PPFIA2: variants seen among roughly 807,000 people sequenced by gnomAD.
The protein encoded by PPFIA2 is PPFI scaffold protein A2.
A neutral mutation model predicts 175.5 loss-of-function variants in PPFIA2; 46 were observed. The observed-to-expected ratio is 0.26, with a 90% CI of 0.21 to 0.34. The LOEUF is 0.34. PPFIA2 is among the 10% of genes least tolerant of loss of function. The pLI is 1.00. For missense variants in PPFIA2, 1,179 were observed against 1,506.1 expected, an observed-to-expected ratio of 0.78 and a Z score of 3.60; for synonymous variants, 568 against 511.4, an observed-to-expected ratio of 1.11 and a Z score of -1.49.
chr12:81,481,601 C>A (rs1195207594), intron 4 of PPFIA2, among the ~76,000 whole-genome samples: 6 of 152,142 alleles, frequency 3.9e-5, no homozygotes, highest in Non-Finnish European at 8.8e-5. Context: ...CTACCACTAT[C>A]TGATCTTTGA....
At chr12:81,743,443 A>AAAAAAT in intron 3 of PPFIA2, among the ~76,000 whole-genome samples, 1 of 144,798 alleles carries the variant, frequency 6.9e-6, no homozygotes, top group Non-Finnish European at 1.5e-5. Context: ...AAAAAAAAAA[A>AAAAAAT]AACTTTTGCT....
chr12:81,411,945 G>T (rs1442783651), intron 7 of PPFIA2, among the ~76,000 whole-genome samples: 1 of 151,974 alleles, frequency 6.6e-6, no homozygotes, highest in Non-Finnish European at 1.5e-5. Flanking sequence ...GGACAAGAGG[G>T]AACAGCAATG....
At chr12:81,720,958 G>A (rs1457263393) in intron 3 of PPFIA2, among the ~76,000 whole-genome samples, 1 of 150,678 alleles carries the variant, frequency 6.6e-6, no homozygotes, top group Non-Finnish European at 1.5e-5. Context: ...TGTTTGAAAT[G>A]TTTCTAATAA....
intron 9 of PPFIA2, among the ~76,000 whole-genome samples, 197 bp from the exon 10 acceptor site, chr12:81,376,139 C>T (rs919356645): frequency 5.9e-5 from 9 of 152,106 alleles, no homozygotes; most frequent in Non-Finnish European, 1.0e-4. Flanking sequence ...TTTGTATCTT[C>T]GGTTAACCAA....
intron 4 of PPFIA2, among the ~76,000 whole-genome samples, chr12:81,662,788 A>G (rs186841231): frequency 1.1e-4 from 17 of 152,372 alleles, no homozygotes; most frequent in African/African-American, 3.1e-4. Context: ...ATGAATCTCA[A>G]TGCAAAAATC....
At chr12:81,407,213 G>A (rs2043090610) in intron 7 of PPFIA2, among the ~76,000 whole-genome samples, 5 of 152,210 alleles carry the variant, frequency 3.3e-5, no homozygotes, top group South Asian at 2.1e-4. Context: ...GGCCCAGCGC[G>A]GCAGCTCACG....
intron 22 of PPFIA2, among the ~76,000 whole-genome samples, chr12:81,323,807 T>C (rs190171088): frequency 4.0e-4 from 61 of 152,178 alleles, no homozygotes; most frequent in African/African-American, 1.4e-3. Context: ...AAATTCCGAA[T>C]AGGTGTTAAC....
In PPFIA2 at chr12:81,743,411, C is replaced by CAAAAAA. The variant is rs772497730; in HGVS notation, c.249+10556_249+10561dup. Among the ~76,000 whole-genome samples the CAAAAAA allele has an allele frequency of 4.5e-3, 112 of 24,864 alleles. 27 individuals carry two copies. Among genetic ancestry groups the CAAAAAA allele is most frequent in the Non-Finnish European group, 6.1e-3 (95 of 15,504 alleles). The allele number at this position is 24,864 out of a possible 152,430, so 16.3% of individuals were successfully genotyped here. A position where few individuals can be genotyped will look rare whatever the true frequency, so the allele number is the denominator to read the frequency against. ...CGGGCCACAGAGTGAGACTCCGTCT[C>CAAAAAA]AAAAAAAAAAAAAAAAAAAAAAAAA... On this transcript the variant is annotated intron_variant, in intron 3 of 32. Coordinates refer to ENST00000549396, the MANE Select transcript of PPFIA2 (RefSeq NM_003625.5).
intron 4 of PPFIA2, among the ~76,000 whole-genome samples, chr12:81,582,210 C>T (rs999415945): frequency 2.6e-5 from 4 of 151,850 alleles, no homozygotes; most frequent in African/African-American, 9.7e-5. Flanking sequence ...TCTCACCAGA[C>T]ATGGTGAACA....
intron 4 of PPFIA2, among the ~76,000 whole-genome samples, chr12:81,616,998 A>G (rs1041600306): frequency 2.0e-5 from 3 of 152,204 alleles, no homozygotes; most frequent in Non-Finnish European, 4.4e-5. Flanking sequence ...AAGAGATTCA[A>G]ATTCAAATTG....
intron 4 of PPFIA2, among the ~76,000 whole-genome samples, chr12:81,527,939 T>C (rs879692909): frequency 5.9e-5 from 9 of 152,108 alleles, no homozygotes; most frequent in Non-Finnish European, 1.0e-4. Context: ...GCTTCCAGAA[T>C]TGTGAGAAAT....
chr12:81,682,333 C>T (rs1287525709), intron 3 of PPFIA2, among the ~76,000 whole-genome samples: 1 of 151,976 alleles, frequency 6.6e-6, no homozygotes, highest in Non-Finnish European at 1.5e-5. Flanking sequence ...TCTGCAAACA[C>T]CTTCATCTTG....
intron 4 of PPFIA2, among the ~76,000 whole-genome samples, chr12:81,672,589 A>G (rs1285987962): frequency 6.6e-6 from 1 of 152,174 alleles, no homozygotes; most frequent in East Asian, 1.9e-4. Context: ...CACTCTAGAA[A>G]TAAAGAGAAC....
intron 23 of PPFIA2, among the ~76,000 whole-genome samples, chr12:81,296,364 G>A (rs2138013886): frequency 6.6e-6 from 1 of 152,228 alleles, no homozygotes; most frequent in African/African-American, 2.4e-5. Flanking sequence ...ACTTTGCTGT[G>A]AGACTCTTGA....
At chr12:81,747,043 CAAT>C (rs973130179) in intron 3 of PPFIA2, among the ~76,000 whole-genome samples, 2 of 141,924 alleles carry the variant, frequency 1.4e-5, no homozygotes, top group African/African-American at 2.5e-5. Context: ...TTTAGGAAAA[CAAT>C]GATGATAGAA....
chr12:81,629,805 C>T lies in PPFIA2; in HGVS notation c.303+46986G>A, dbSNP rs141905389. Among the ~76,000 whole-genome samples the T allele has an allele frequency of 2.5e-3, 379 of 152,278 alleles. 1 individual carries two copies. Among genetic ancestry groups the T allele is most frequent in the Non-Finnish European group, 4.6e-3 (310 of 68,024 alleles). Reference sequence around the variant, plus strand: ...GAACACTGCTGTTGTTGGTGAGCCACTACACAGGATTTCTGTGATGGGCAG... The same window carrying T: ...GAACACTGCTGTTGTTGGTGAGCCATTACACAGGATTTCTGTGATGGGCAG... On this transcript the variant is annotated intron_variant, in intron 4 of 32. Coordinates refer to ENST00000549396, the MANE Select transcript of PPFIA2 (RefSeq NM_003625.5).
intron 4 of PPFIA2, among the ~76,000 whole-genome samples, chr12:81,636,405 A>C (rs1004405707): frequency 1.3e-5 from 2 of 150,406 alleles, no homozygotes; most frequent in Non-Finnish European, 3.0e-5. Flanking sequence ...AGCTGGGACT[A>C]CAGGCGCCCG....
At chr12:81,440,373 T>G (rs1027659868) in intron 6 of PPFIA2, among the ~76,000 whole-genome samples, 4 of 152,062 alleles carry the variant, frequency 2.6e-5, no homozygotes, top group Non-Finnish European at 4.4e-5. Context: ...TATTATGAAT[T>G]CATCTAAAAA....
chr12:81,312,067 T>C (rs1370387455), intron 22 of PPFIA2: 1 of 1,230,456 alleles, frequency 8.1e-7, no homozygotes, highest in African/African-American at 1.5e-5. Flanking sequence ...GTGCAGCTTG[T>C]GTTACAACTC....
Sources: allele counts gnomAD v4.1 joint callset (sites outside exome capture counted in the v4.1 genomes callset), GRCh38; gene constraint gnomAD v4.1.1; transcripts MANE v1.5; gene names NCBI Gene and HGNC (gene_info 2026-07-23, HGNC 2026-07-21).